The following CNTLN variants were observed in gnomAD, a reference collection of about 807,000 sequenced individuals.
The protein encoded by CNTLN is centlein, centrosomal protein.
CNTLN carries 212 observed loss-of-function variants against 180.0 expected under a neutral mutation model. That is an observed-to-expected ratio of 1.18 (90% confidence interval 1.05 to 1.32). The LOEUF (loss-of-function observed/expected upper bound fraction) is 1.32. Ranked by LOEUF, CNTLN falls within the 40% of genes most tolerant of loss-of-function variation. CNTLN has a pLI of 0.00. For synonymous variants in CNTLN, 722 were observed against 563.1 expected, an observed-to-expected ratio of 1.28 and a Z score of -3.99; for missense variants, 2,095 against 1,610.9, an observed-to-expected ratio of 1.30 and a Z score of -5.14.
At position 17,457,551 on chromosome 9, in the gene CNTLN, C is replaced by T. The variant is rs200093382; in HGVS notation, c.3142C>T (p.Arg1048Trp). Residue 1048 changes from arginine to tryptophan, a missense_variant, in exon 19 of 26, where the codon CGG (arginine) becomes TGG (tryptophan). Physicochemically the swap from Arg to Trp is moderately radical, Grantham distance 101. Transcript: ENST00000380647. ...GCTAAATTTGGATTTGGCTGGGCTT[C>T]GGAAAGAAAAAGAAGATTTACTAAA... Reference protein sequence around the residue: ...KKLNLDLAGLRKEKEDLLKKL... With the variant: ...KKLNLDLAGLWKEKEDLLKKL... 113 of 1,503,424 alleles carry T rather than the reference C, an allele frequency of 7.5e-5. No homozygotes were observed. Among genetic ancestry groups the T allele is most frequent in the East Asian group, 4.8e-4 (19 of 39,530 alleles). The allele number at this position is 1,503,424 out of a possible 1,614,324, so 93.1% of individuals were successfully genotyped here. A position where few individuals can be genotyped will look rare whatever the true frequency, so the allele number is the denominator to read the frequency against.
Position 17,432,840 on chromosome 9 carries a change from C to T in CNTLN, c.3114+16651C>T, listed in dbSNP as rs12341259. Among the ~76,000 whole-genome samples, 1,253 of 151,752 alleles carry T rather than the reference C, an allele frequency of 8.3e-3. 13 individuals carry two copies. The highest frequency in any genetic ancestry group is 0.028 in the African/African-American group (1,141 of 41,384). The stretch of plus-strand genomic sequence containing the variant: ...TTCGAGACCAGCCTGACCAACATAG[C>T]AAAACCCCGTCCCTACTAAAAATAC... On this transcript the variant is annotated intron_variant, in intron 18 of 25. Coordinates refer to ENST00000380647, the MANE Select transcript of CNTLN (RefSeq NM_017738.4).
chr9:17,241,274 A>T (rs1406672503), intron 5 of CNTLN, among the ~76,000 whole-genome samples: 1 of 152,130 alleles, frequency 6.6e-6, no homozygotes, highest in African/African-American at 2.4e-5. Flanking sequence ...ATTCTTCTGC[A>T]TATGTATATC....
chr9:17,289,323 G>A (rs1157529930), intron 6 of CNTLN, among the ~76,000 whole-genome samples: 1 of 102,576 alleles, frequency 9.7e-6, no homozygotes. Context: ...CTTTAAGAAT[G>A]TTGAATATTG....
intron 18 of CNTLN, among the ~76,000 whole-genome samples, chr9:17,454,535 C>G (rs1393812262): frequency 6.6e-6 from 1 of 152,098 alleles, no homozygotes; most frequent in Non-Finnish European, 1.5e-5. Context: ...GAGAAATTAC[C>G]AGGTTATTAT....
intron 18 of CNTLN, among the ~76,000 whole-genome samples, chr9:17,452,042 GTGCTACAACTAGCAACATGTTCGT>G (rs1830810874): frequency 6.6e-6 from 1 of 152,180 alleles, no homozygotes; most frequent in African/African-American, 2.4e-5. Flanking sequence ...TTCTTTACAT[GTGCTACAACTAGCAACATGTTCGT>G]TGAATAGGCA....
At chr9:17,485,851 A>C (rs1309338069) in intron 24 of CNTLN, among the ~76,000 whole-genome samples, 6 of 152,146 alleles carry the variant, frequency 3.9e-5, no homozygotes, top group African/African-American at 1.4e-4. Context: ...GCCCTCTTTG[A>C]ATGAGCAAAT....
At chr9:17,416,548 G>A (rs1182722591) in intron 18 of CNTLN, among the ~76,000 whole-genome samples, 2 of 152,158 alleles carry the variant, frequency 1.3e-5, no homozygotes, top group African/African-American at 2.4e-5. Flanking sequence ...GCCTATGTTT[G>A]AAACTTTGTG....
chr9:17,206,846 A>G (rs1209173613), intron 2 of CNTLN, among the ~76,000 whole-genome samples: 3 of 152,214 alleles, frequency 2.0e-5, no homozygotes, highest in Admixed American at 6.5e-5. Context: ...ACAATAGACA[A>G]TCACAAAAAC....
chr9:17,473,181 C>G (rs1379714709), intron 23 of CNTLN, among the ~76,000 whole-genome samples: 4 of 152,112 alleles, frequency 2.6e-5, no homozygotes, highest in South Asian at 2.1e-4. Context: ...CAGGTGGGCT[C>G]TCAGCACTAT....
chr9:17,376,443 T>A (rs2133543747), intron 13 of CNTLN, among the ~76,000 whole-genome samples: 1 of 151,948 alleles, frequency 6.6e-6, no homozygotes, highest in African/African-American at 2.4e-5. Context: ...TTTTTCTTTT[T>A]TTTAAATTTT....
intron 5 of CNTLN, among the ~76,000 whole-genome samples, chr9:17,262,210 C>A (rs576871334): frequency 6.6e-6 from 1 of 151,460 alleles, no homozygotes; most frequent in Admixed American, 6.6e-5. Flanking sequence ...TTTGACCCAG[C>A]AATACCGTTA....
downstream of CNTLN, among the ~76,000 whole-genome samples, chr9:17,507,205 A>G (rs1833947765): frequency 6.6e-6 from 1 of 152,048 alleles, no homozygotes; most frequent in Admixed American, 6.6e-5. Flanking sequence ...TGTGTACCCA[A>G]TGTTTATCTC....
chr9:17,366,642 G>A lies in CNTLN; in HGVS notation c.1912G>A (p.Glu638Lys). 1 of 1,555,294 alleles carries A rather than the reference G, an allele frequency of 6.4e-7. No homozygotes were observed. Among genetic ancestry groups the A allele is most frequent in the Non-Finnish European group, 8.8e-7 (1 of 1,134,536 alleles). Reference protein sequence around the residue: ...QKMNLEEELDELKVHISIDKA... With the variant: ...QKMNLEEELDKLKVHISIDKA... Reference sequence around the variant, plus strand: ...GATGAATCTTGAAGAAGAATTAGATGAACTTAAAGTACATATATCTATTGA... The same window carrying A: ...GATGAATCTTGAAGAAGAATTAGATAAACTTAAAGTACATATATCTATTGA... Residue 638 changes from glutamate (E) to lysine (K), a missense_variant, in exon 13 of 26, where the codon GAA becomes AAA. By Grantham distance (56) the Glu-to-Lys change is moderately conservative. Transcript: ENST00000380647.
chr9:17,303,434 C>T (rs540052613), intron 7 of CNTLN, among the ~76,000 whole-genome samples: 3 of 152,028 alleles, frequency 2.0e-5, no homozygotes, highest in Admixed American at 6.6e-5. Context: ...GTGAAAAGGG[C>T]TTCCATCATT....
downstream of CNTLN, among the ~76,000 whole-genome samples, chr9:17,508,683 T>A (rs1833976163): frequency 6.6e-6 from 1 of 152,234 alleles, no homozygotes; most frequent in African/African-American, 2.4e-5. Flanking sequence ...CTTTTGACAT[T>A]GGCTTCTTTC....
Position 17,179,209 on chromosome 9 carries a change from A to C in CNTLN, c.449+35833A>C, listed in dbSNP as rs1820956766. On this transcript the variant is annotated intron_variant, in intron 2 of 25. Coordinates refer to ENST00000380647, the MANE Select transcript of CNTLN (RefSeq NM_017738.4). ...CAGTGAGCCGAGATCCCGCCACTGC[A>C]CTCCAGCCTGGGCGACAGAGCGAGA... is the stretch of plus-strand genomic sequence containing the variant. Among the ~76,000 whole-genome samples the C allele has an allele frequency of 2.1e-5, 3 of 142,274 alleles. No homozygotes were observed. The South Asian group carries it at 6.8e-4, about 32-fold the overall frequency. 93.3% of individuals were successfully genotyped at this position (142,274 alleles called of 152,430 possible).
At chr9:17,340,555 C>G (rs1035628723) in intron 10 of CNTLN, among the ~76,000 whole-genome samples, 6 of 151,948 alleles carry the variant, frequency 3.9e-5, no homozygotes, top group Non-Finnish European at 8.8e-5. Flanking sequence ...TACTAATTAA[C>G]AACAGGGAAA....
chr9:17,382,129 A>G (rs1227672153), intron 13 of CNTLN, among the ~76,000 whole-genome samples: 3 of 152,226 alleles, frequency 2.0e-5, no homozygotes, highest in Non-Finnish European at 4.4e-5. Context: ...CTGTTAGTAT[A>G]TGTTGCGAGC....
intron 12 of CNTLN, among the ~76,000 whole-genome samples, chr9:17,348,495 G>T (rs1473676568): frequency 6.6e-6 from 1 of 151,602 alleles, no homozygotes; most frequent in African/African-American, 2.4e-5. Context: ...TGGTGAAAGT[G>T]CAGGCTTCTC....
Sources: gnomAD v4.1 joint callset for allele counts (sites outside exome capture counted in the v4.1 genomes callset) on GRCh38, gnomAD v4.1.1 for gene constraint, MANE v1.5 for transcripts, NCBI Gene and HGNC (gene_info 2026-07-23, HGNC 2026-07-21) for gene names.